The following SLC35D1 variants were observed in gnomAD, a reference collection of about 807,000 sequenced individuals.
SLC35D1 encodes nucleotide sugar transporter SLC35D1.
A neutral mutation model predicts 46.7 loss-of-function variants in SLC35D1; 31 were observed. That is an observed-to-expected ratio of 0.66 (90% CI 0.50 to 0.90). The LOEUF (loss-of-function observed/expected upper bound fraction) is 0.90, where lower values mean the gene tolerates loss of function less well. Among genes scored for constraint, SLC35D1 ranks in the 40% least tolerant of loss-of-function variants. The pLI, the probability that SLC35D1 is intolerant of heterozygous loss-of-function variation, is 0.00. For synonymous variants in SLC35D1, 195 were observed against 164.6 expected (o/e 1.18, Z -1.41); for missense variants, 397 against 426.2 (o/e 0.93, Z 0.60).
At chr1:67,020,503 C>T in intron 9 of SLC35D1, 56 bp from the exon 10 acceptor site, 1 of 1,257,800 alleles carries the variant, frequency 8.0e-7, no homozygotes, top group Non-Finnish European at 1.2e-6. Context: ...TAATCTCTAG[C>T]CAAGATAAAC....
chr1:67,023,223 T>C (rs1267146111), intron 8 of SLC35D1, among the ~76,000 whole-genome samples: 2 of 152,204 alleles, frequency 1.3e-5, no homozygotes, highest in African/African-American at 4.8e-5. Context: ...TGGTTAGGTG[T>C]ATCTTTAACT....
In SLC35D1 at chr1:67,054,115, C is replaced by T; in HGVS notation, c.-102G>A. The T allele has an allele frequency of 2.5e-6, 3 of 1,192,592 alleles. No homozygotes were observed. The highest frequency in any genetic ancestry group is 2.3e-6 in the Non-Finnish European group (2 of 859,338). The allele number at this position is 1,192,592 out of a possible 1,614,324, so 73.9% of individuals were successfully genotyped here. On this transcript the variant is annotated 5_prime_UTR_variant, in exon 1 of 12. Transcript: ENST00000235345. ...CAGGAGTTGGGGACCGCAGACTAGG[C>T]CAGCTGCGCGCTCGCCGCCTCGACT...
chr1:67,006,435 T>A (rs1667448920), intron 11 of SLC35D1, among the ~76,000 whole-genome samples: 1 of 152,174 alleles, frequency 6.6e-6, no homozygotes, highest in Admixed American at 6.6e-5. Flanking sequence ...CAAAACAAAG[T>A]AGAAGGGCTA....
chr1:67,004,245 C>T lies in SLC35D1; in HGVS notation c.*95G>A. 2.9e-6 allele frequency: 3 copies of T among 1,035,270 alleles called. No individual in the cohort carries two copies. The highest frequency in any genetic ancestry group is 2.6e-5 in the South Asian group (2 of 78,048). 64.1% of individuals were successfully genotyped at this position (1,035,270 alleles called of 1,614,324 possible). The stretch of plus-strand genomic sequence containing the variant: ...AGTGCAAAGGAATGGTTATTTCCTC[C>T]ATAATCAAGACACCTCAGTGTCTCT... On this transcript the variant is annotated 3_prime_UTR_variant, in exon 12 of 12. Coordinates refer to ENST00000235345, the MANE Select transcript of SLC35D1 (RefSeq NM_015139.3).
intron 1 of SLC35D1, 138 bp downstream of exon 1, chr1:67,053,673 A>G: frequency 6.1e-6 from 5 of 823,790 alleles, no homozygotes; most frequent in Non-Finnish European, 8.2e-6. Flanking sequence ...CGCGCGCGTC[A>G]GCCGCCCGCC....
At chr1:67,047,906 A>G (rs1645268716) in intron 6 of SLC35D1, among the ~76,000 whole-genome samples, 1 of 152,232 alleles carries the variant, frequency 6.6e-6, no homozygotes, top group African/African-American at 2.4e-5. Flanking sequence ...CTTAAACAAT[A>G]GCTCAATGAA....
Position 67,053,802 on chromosome 1 carries a change from C to A in SLC35D1, c.203+9G>T. On this transcript the variant is annotated intron_variant, in intron 1 of 11. Coordinates refer to ENST00000235345, the MANE Select transcript of SLC35D1 (RefSeq NM_015139.3). ...TCCGCGGCCTGGGCCGCCGCCGCCT[C>A]GGCCCTACCTGTAATTGGTGAGCAC... 4.4e-6 allele frequency: 7 copies of A among 1,586,390 alleles called. No homozygotes were observed. The highest frequency in any genetic ancestry group is 6.0e-6 in the Non-Finnish European group (7 of 1,168,014).
the SLC35D1 span, among the ~76,000 whole-genome samples, chr1:66,975,990 T>TG: frequency 0.2 from 31,047 of 151,694 alleles, 3,591 homozygotes; most frequent in Non-Finnish European, 0.25. Context: ...GGCCTTTTTT[T>TG]TGTGTGTGTG....
chr1:66,995,433 T>TAAAAAAAAAAAAAAA (rs541234514), downstream of SLC35D1, among the ~76,000 whole-genome samples: 12 of 35,806 alleles, frequency 3.4e-4, 2 homozygotes, highest in East Asian at 1.4e-3. Flanking sequence ...CCTGCTACGC[T>TAAAAAAAAAAAAAAA]AAAAAAAAAA....
intron 8 of SLC35D1, among the ~76,000 whole-genome samples, chr1:67,037,240 A>G (rs1177874135): frequency 2.6e-5 from 4 of 152,122 alleles, no homozygotes; most frequent in African/African-American, 7.2e-5. Context: ...CCACAGTCAC[A>G]GTGTATAAGT....
intron 8 of SLC35D1, among the ~76,000 whole-genome samples, chr1:67,039,771 T>C (rs1170071290): frequency 6.6e-6 from 1 of 152,126 alleles, no homozygotes; most frequent in Non-Finnish European, 1.5e-5. Flanking sequence ...GCTGTGAGAA[T>C]AGCTGCCTGT....
intron 8 of SLC35D1, among the ~76,000 whole-genome samples, chr1:67,032,821 T>C (rs1668044730): frequency 1.3e-5 from 2 of 152,226 alleles, no homozygotes; most frequent in Admixed American, 1.3e-4. Context: ...CTTGTTGTGC[T>C]ACCAAATACT....
At chr1:67,018,578 T>C (rs1385676271) in intron 10 of SLC35D1, among the ~76,000 whole-genome samples, 1 of 152,192 alleles carries the variant, frequency 6.6e-6, no homozygotes, top group Non-Finnish European at 1.5e-5. Flanking sequence ...GGAAACCCTG[T>C]TAAACATAAA....
intron 9 of SLC35D1, 92 bp downstream of exon 9, chr1:67,021,443 G>A: frequency 7.6e-7 from 1 of 1,321,892 alleles, no homozygotes; most frequent in East Asian, 2.3e-5. Context: ...ACACACTCAG[G>A]AGACCTAAAG....
chr1:66,997,632 C>T (rs996967461), downstream of SLC35D1, among the ~76,000 whole-genome samples: 1 of 141,490 alleles, frequency 7.1e-6, no homozygotes, highest in Admixed American at 7.1e-5. Context: ...TATGCAGATA[C>T]CCTATATCTA....
At position 67,002,034 on chromosome 1, in the gene SLC35D1, C is replaced by A. The variant is rs1012723034; in HGVS notation, c.*2306G>T. 6.6e-6 allele frequency: 1 copy of A among 152,272 alleles called. No homozygotes were observed. Among genetic ancestry groups the A allele is most frequent in the Non-Finnish European group, 1.5e-5 (1 of 68,028 alleles). 9.4% of individuals were successfully genotyped at this position (152,272 alleles called of 1,614,324 possible). A position where few individuals can be genotyped will look rare whatever the true frequency, so the allele number is the denominator to read the frequency against. On this transcript the variant is annotated 3_prime_UTR_variant, in exon 12 of 12. Coordinates refer to ENST00000235345, the MANE Select transcript of SLC35D1 (RefSeq NM_015139.3). Reference sequence around the variant, plus strand: ...AGTTCAACTCCTGGTGGGGCTCTAGCCCAACACCTGTTAAAGACACCCAAA... The same window carrying A: ...AGTTCAACTCCTGGTGGGGCTCTAGACCAACACCTGTTAAAGACACCCAAA...
chr1:67,001,484 G>C lies in SLC35D1; in HGVS notation c.*2856C>G, dbSNP rs1306833148. 1 of 152,206 alleles carries C rather than the reference G, an allele frequency of 6.6e-6. No individual in the cohort carries two copies. Among genetic ancestry groups the C allele is most frequent in the Non-Finnish European group, 1.5e-5 (1 of 68,004 alleles). 9.4% of individuals were successfully genotyped at this position (152,206 alleles called of 1,614,324 possible). ...TGACTAGAAGCAGATTGGCCAAAGA[G>C]GGTCTCACTTACATTGAACAGGAGA... On this transcript the variant is annotated 3_prime_UTR_variant, in exon 12 of 12. Transcript: ENST00000235345.
rs1049668781 is a variant in SLC35D1 at position 67,046,789 on chromosome 1, G to A, written c.636+476C>T. Among the ~76,000 whole-genome samples, 3 of 152,178 alleles carry A rather than the reference G, an allele frequency of 2.0e-5. No homozygotes were observed. In the South Asian group the frequency reaches 6.2e-4, roughly 31 times the overall value. On this transcript the variant is annotated intron_variant, in intron 7 of 11. Coordinates refer to ENST00000235345, the MANE Select transcript of SLC35D1 (RefSeq NM_015139.3). ...GGTAAAGCCAAGGCCAGGAAACACT[G>A]TGTTGCCCCTAAGAGAGACAGAGAT...
In SLC35D1 at chr1:67,047,319, G is replaced by C. The variant is rs371167014; in HGVS notation, c.582C>G (p.Asn194Lys). 1.9e-6 allele frequency: 3 copies of C among 1,613,220 alleles called. No homozygotes were observed. The highest frequency in any genetic ancestry group is 1.1e-5 in the South Asian group (1 of 91,082). ...CACCATTTGCTGCTGTTAGGACATCGTTTATCAGAATAAAAGCATATCCTT... is the reference window on the plus strand; with the variant it reads ...CACCATTTGCTGCTGTTAGGACATCCTTTATCAGAATAAAAGCATATCCTT... The part of the protein sequence containing the change: ...DLEGYAFILI[N>K]DVLTAANGAY... Residue 194 changes from asparagine (N) to lysine (K), a missense_variant, in exon 7 of 12, where the codon AAC (asparagine) becomes AAG (lysine). Coordinates refer to ENST00000235345, the MANE Select transcript of SLC35D1 (RefSeq NM_015139.3).
Sources: gnomAD v4.1 joint callset for allele counts (sites outside exome capture counted in the v4.1 genomes callset) on GRCh38, gnomAD v4.1.1 for gene constraint, MANE v1.5 for transcripts, NCBI Gene and HGNC (gene_info 2026-07-23, HGNC 2026-07-21) for gene names.